The following FASLG variants were observed in gnomAD, a reference collection of about 807,000 sequenced individuals.
FASLG encodes Fas ligand.
A neutral mutation model predicts 24.6 loss-of-function variants in FASLG; 9 were observed. That is an observed-to-expected ratio of 0.37 (90% CI 0.22 to 0.64). The LOEUF (loss-of-function observed/expected upper bound fraction) is 0.64. FASLG is among the 30% of genes least tolerant of loss of function. FASLG has a pLI of 0.64. For missense variants in FASLG, 306 were observed against 345.3 expected (o/e 0.89, Z 0.90); for synonymous variants, 130 against 135.5 (o/e 0.96, Z 0.28).
intron 2 of FASLG, 42 bp downstream of exon 2, chr1:172,660,182 T>C: frequency 6.3e-7 from 1 of 1,585,010 alleles, no homozygotes; most frequent in Non-Finnish European, 8.7e-7. Context: ...CCAAAGATGA[T>C]CCTCAGCACA....
At chr1:172,663,422 G>C (rs115072575) in intron 2 of FASLG, among the ~76,000 whole-genome samples, 1 of 152,216 alleles carries the variant, frequency 6.6e-6, no homozygotes, top group African/African-American at 2.4e-5. Flanking sequence ...GATCATATTT[G>C]ATCAAAAAAG....
At chr1:172,664,308 A>G in intron 2 of FASLG, 26 bp from the exon 3 acceptor site, 1 of 1,609,874 alleles carries the variant, frequency 6.2e-7, no homozygotes. Context: ...ATTTTAACAT[A>G]TATTTTTCCT....
At chr1:172,664,463 A>G in intron 3 of FASLG, 73 bp downstream of exon 3, 1 of 1,403,436 alleles carries the variant, frequency 7.1e-7, no homozygotes, top group South Asian at 1.2e-5. Flanking sequence ...CCTGGTTTCC[A>G]TTACCAGGCT....
chr1:172,664,286 A>G (rs925281496), intron 2 of FASLG, 48 bp from the exon 3 acceptor site: 5 of 1,570,334 alleles, frequency 3.2e-6, no homozygotes, highest in Non-Finnish European at 2.6e-6. Flanking sequence ...CCAAAATAAT[A>G]GTTGCTATTT....
intron 2 of FASLG, among the ~76,000 whole-genome samples, chr1:172,663,670 C>T (rs549264929): frequency 1.4e-4 from 22 of 152,168 alleles, no homozygotes; most frequent in African/African-American, 5.3e-4. Flanking sequence ...GATGGGGATA[C>T]TTGTATACGA....
chr1:172,660,474 T>C (rs966591128), intron 2 of FASLG, among the ~76,000 whole-genome samples: 1 of 152,212 alleles, frequency 6.6e-6, no homozygotes, highest in Non-Finnish European at 1.5e-5. Flanking sequence ...ATCCTGGTCC[T>C]GGCACACACG....
At chr1:172,663,475 T>C (rs908174464) in intron 2 of FASLG, among the ~76,000 whole-genome samples, 5 of 152,096 alleles carry the variant, frequency 3.3e-5, no homozygotes, top group African/African-American at 1.2e-4. Context: ...AGGTAGTCCT[T>C]ATGGGATGTT....
chr1:172,661,030 A>G (rs1659125558), intron 2 of FASLG, among the ~76,000 whole-genome samples: 1 of 152,244 alleles, frequency 6.6e-6, no homozygotes, highest in Non-Finnish European at 1.5e-5. Context: ...GATTAGGTGA[A>G]TATGCCCAAG....
rs1041502563 is a variant in FASLG, at chr1:172,666,843, A to G, written c.*827A>G. 2 of 152,450 alleles carry G rather than the reference A, an allele frequency of 1.3e-5. No homozygotes were observed. Among genetic ancestry groups the G allele is most frequent in the Non-Finnish European group, 2.9e-5 (2 of 68,032 alleles). 9.4% of individuals were successfully genotyped at this position (152,450 alleles called of 1,614,324 possible). On this transcript the variant is annotated 3_prime_UTR_variant, in exon 4 of 4. Coordinates refer to ENST00000367721, the MANE Select transcript of FASLG (RefSeq NM_000639.3). The stretch of plus-strand genomic sequence containing the variant: ...ATGTGCATTTTTGTGAAATGAAAAC[A>G]TGTAATAAAAAGTATATGTTAGGAT...
chr1:172,662,254 A>G lies in FASLG; in HGVS notation c.395-2080A>G, dbSNP rs147975365. Among the ~76,000 whole-genome samples, 103 of 152,348 alleles carry G rather than the reference A, an allele frequency of 6.8e-4. 1 individual carries two copies. In the East Asian group the frequency reaches 0.017, roughly 25 times the overall value. On this transcript the variant is annotated intron_variant, in intron 2 of 3. Transcript: ENST00000367721. Reference sequence around the variant, plus strand: ...ACATTTTTATATTCTTAGGAACTGGAAAGTTTTACACACTGACATACTAAC... The same window carrying G: ...ACATTTTTATATTCTTAGGAACTGGGAAGTTTTACACACTGACATACTAAC...
intron 2 of FASLG, among the ~76,000 whole-genome samples, chr1:172,662,509 C>G (rs1659164566): frequency 6.6e-6 from 1 of 152,032 alleles, no homozygotes; most frequent in Non-Finnish European, 1.5e-5. Flanking sequence ...GCAAACAGAC[C>G]ATGCAATTCC....
At position 172,666,079 on chromosome 1, in the gene FASLG, T is replaced by G. The variant is rs1659257548; in HGVS notation, c.*63T>G. 1 of 1,593,706 alleles carries G rather than the reference T, an allele frequency of 6.3e-7. No homozygotes were observed. The highest frequency in any genetic ancestry group is 1.1e-5 in the South Asian group (1 of 89,664). On this transcript the variant is annotated 3_prime_UTR_variant, in exon 4 of 4. Coordinates refer to ENST00000367721, the MANE Select transcript of FASLG (RefSeq NM_000639.3). ...GTTACAGGCACCGAGAATGTTGTATTCAGTGAGGGTCTTCTTACATGCATT... is the reference window on the plus strand; with the variant it reads ...GTTACAGGCACCGAGAATGTTGTATGCAGTGAGGGTCTTCTTACATGCATT...
Position 172,666,402 on chromosome 1 carries a change from T to C in FASLG, c.*386T>C, listed in dbSNP as rs1260908552. 2.0e-5 allele frequency: 4 copies of C among 199,022 alleles called. No individual in the cohort carries two copies. In the East Asian group the frequency reaches 3.4e-4, roughly 17 times the overall value. 12.3% of individuals were successfully genotyped at this position (199,022 alleles called of 1,614,324 possible). A position where few individuals can be genotyped will look rare whatever the true frequency, so the allele number is the denominator to read the frequency against. Reference sequence around the variant, plus strand: ...GGGGGACTGTCTTTCAGATACATGGTTGTGACCTGAGGATTTAAGGGATGG... The same window carrying C: ...GGGGGACTGTCTTTCAGATACATGGCTGTGACCTGAGGATTTAAGGGATGG... On this transcript the variant is annotated 3_prime_UTR_variant, in exon 4 of 4. Coordinates refer to ENST00000367721, the MANE Select transcript of FASLG (RefSeq NM_000639.3).
rs1371588881 is a variant in FASLG, at chr1:172,666,685, T to C, written c.*669T>C. The C allele has an allele frequency of 6.6e-6, 1 of 152,664 alleles. No homozygotes were observed. The highest frequency in any genetic ancestry group is 1.5e-5 in the Non-Finnish European group (1 of 68,070). 9.5% of individuals were successfully genotyped at this position (152,664 alleles called of 1,614,324 possible). A position where few individuals can be genotyped will look rare whatever the true frequency, so the allele number is the denominator to read the frequency against. ...GAGAATGTAGATATTGTGAAGTACA[T>C]ATTAGGAAAATATGGGTTGCATTTG... is the stretch of plus-strand genomic sequence containing the variant. On this transcript the variant is annotated 3_prime_UTR_variant, in exon 4 of 4. Transcript: ENST00000367721.
At chr1:172,664,505 T>A in intron 3 of FASLG, 115 bp downstream of exon 3, 1 of 966,688 alleles carries the variant, frequency 1.0e-6, no homozygotes, top group Non-Finnish European at 1.7e-6. Context: ...GAGACAGTAT[T>A]TGAACCCAAT....
At position 172,666,132 on chromosome 1, in the gene FASLG, A is replaced by G; in HGVS notation, c.*116A>G. On this transcript the variant is annotated 3_prime_UTR_variant, in exon 4 of 4. Coordinates refer to ENST00000367721, the MANE Select transcript of FASLG (RefSeq NM_000639.3). ...AGGTCAAGTAAGAAGACATGAACCAAGTGGACCTTGAGACCACAGGGTTCA... is the reference window on the plus strand; with the variant it reads ...AGGTCAAGTAAGAAGACATGAACCAGGTGGACCTTGAGACCACAGGGTTCA... The G allele has an allele frequency of 1.5e-6, 2 of 1,299,120 alleles. No individual in the cohort carries two copies. Among genetic ancestry groups the G allele is most frequent in the Non-Finnish European group, 2.2e-6 (2 of 923,390 alleles). The allele number at this position is 1,299,120 out of a possible 1,614,324, so 80.5% of individuals were successfully genotyped here.
At chr1:172,663,441 G>A (rs968589057) in intron 2 of FASLG, among the ~76,000 whole-genome samples, 2 of 152,168 alleles carry the variant, frequency 1.3e-5, no homozygotes, top group African/African-American at 4.8e-5. Flanking sequence ...AGGCTTGAGA[G>A]GGTTTCCCAA....
rs1008624289 is a variant in FASLG at position 172,666,098 on chromosome 1, A to G, written c.*82A>G. The G allele has an allele frequency of 1.3e-6, 2 of 1,558,092 alleles. No homozygotes were observed. Among genetic ancestry groups the G allele is most frequent in the Non-Finnish European group, 1.8e-6 (2 of 1,140,510 alleles). ...TTGTATTCAGTGAGGGTCTTCTTAC[A>G]TGCATTTGAGGTCAAGTAAGAAGAC... On this transcript the variant is annotated 3_prime_UTR_variant, in exon 4 of 4. Coordinates refer to ENST00000367721, the MANE Select transcript of FASLG (RefSeq NM_000639.3).
intron 3 of FASLG, 38 bp downstream of exon 3, chr1:172,664,428 C>A: frequency 1.2e-6 from 2 of 1,610,690 alleles, no homozygotes; most frequent in Non-Finnish European, 1.7e-6. Context: ...TTTGGGAAAG[C>A]TTTTGGCAAA....
Sources: allele counts gnomAD v4.1 joint callset (sites outside exome capture counted in the v4.1 genomes callset), GRCh38; gene constraint gnomAD v4.1.1; transcripts MANE v1.5; gene names NCBI Gene and HGNC (gene_info 2026-07-23, HGNC 2026-07-21).